The following ACOT7 variants were observed in gnomAD, a reference collection of about 807,000 sequenced individuals.
ACOT7 encodes cytosolic acyl coenzyme A thioester hydrolase.
ACOT7 carries 12 observed loss-of-function variants against 40.2 expected under a neutral mutation model. The observed-to-expected ratio is 0.30, with a 90% CI of 0.19 to 0.48. The LOEUF (loss-of-function observed/expected upper bound fraction) is 0.48, where lower values mean the gene tolerates loss of function less well. ACOT7 is among the 20% of genes least tolerant of loss of function. The pLI, the probability that ACOT7 is intolerant of heterozygous loss-of-function variation, is 0.99. For synonymous variants in ACOT7, 228 were observed against 219.5 expected (o/e 1.04, Z -0.34); for missense variants, 395 against 530.8 (o/e 0.74, Z 2.51).
intron 1 of ACOT7, among the ~76,000 whole-genome samples, chr1:6,350,170 C>G (rs1437587754): frequency 6.6e-6 from 1 of 152,198 alleles, no homozygotes; most frequent in African/African-American, 2.4e-5. Context: ...TGGTGAAGAC[C>G]TTTAAGCAAA....
At chr1:6,276,271 GGC>G (rs1639186075) in intron 8 of ACOT7, among the ~76,000 whole-genome samples, 1 of 152,156 alleles carries the variant, frequency 6.6e-6, no homozygotes, top group Admixed American at 6.5e-5. Context: ...CCCTCCTGCA[GGC>G]TGAAAAGCCT....
chr1:6,364,716 C>T (rs370438167), intron 1 of ACOT7, among the ~76,000 whole-genome samples: 9 of 140,882 alleles, frequency 6.4e-5, no homozygotes, highest in East Asian at 4.4e-4. Flanking sequence ...GGCGTGGTTG[C>T]GCTCACCTGT....
At chr1:6,314,915 A>C (rs558745610) in intron 6 of ACOT7, among the ~76,000 whole-genome samples, 27 of 150,332 alleles carry the variant, frequency 1.8e-4, no homozygotes, top group Non-Finnish European at 1.0e-4. Context: ...TCAACCCACA[A>C]CTGCACACAC....
At chr1:6,324,048 C>T (rs537152098) in intron 5 of ACOT7, among the ~76,000 whole-genome samples, 5 of 152,140 alleles carry the variant, frequency 3.3e-5, no homozygotes, top group African/African-American at 1.2e-4. Flanking sequence ...CACATACGCA[C>T]ACTCTTCTCC....
intron 3 of ACOT7, among the ~76,000 whole-genome samples, chr1:6,336,358 A>AAAAAAAAAACC: frequency 6.7e-6 from 1 of 150,310 alleles, no homozygotes; most frequent in Non-Finnish European, 1.5e-5. Context: ...AAAAAAAAAA[A>AAAAAAAAAACC]TCTCTTAAAA....
chr1:6,309,291 T>A (rs1640265015), intron 6 of ACOT7, among the ~76,000 whole-genome samples: 1 of 152,152 alleles, frequency 6.6e-6, no homozygotes, highest in Non-Finnish European at 1.5e-5. Flanking sequence ...GCCCAAACTT[T>A]ACAGGTTCTG....
chr1:6,333,724 C>A (rs1641025113), intron 3 of ACOT7, among the ~76,000 whole-genome samples, 156 bp from the exon 4 acceptor site: 2 of 151,690 alleles, frequency 1.3e-5, no homozygotes, highest in South Asian at 2.1e-4. Context: ...CCCAAGCCCC[C>A]AAGCCCCCAA....
chr1:6,333,655 C>A (rs544824666), intron 3 of ACOT7, 87 bp from the exon 4 acceptor site: 9 of 1,321,710 alleles, frequency 6.8e-6, no homozygotes, highest in Middle Eastern at 3.6e-4. Flanking sequence ...GCTGCTCCAG[C>A]GCCCGGTCCC....
intron 1 of ACOT7, chr1:6,360,799 G>A: frequency 6.8e-7 from 1 of 1,471,284 alleles, no homozygotes; most frequent in Non-Finnish European, 9.0e-7. Flanking sequence ...AACCCTTCCA[G>A]CTGGTCCCAG....
At chr1:6,304,007 C>A (rs939129814) in intron 6 of ACOT7, among the ~76,000 whole-genome samples, 23 of 152,144 alleles carry the variant, frequency 1.5e-4, no homozygotes, top group African/African-American at 5.6e-4. Flanking sequence ...GATTTTGCAT[C>A]CCAACTGCCA....
At chr1:6,303,168 C>T (rs1279808545) in intron 6 of ACOT7, among the ~76,000 whole-genome samples, 1 of 152,182 alleles carries the variant, frequency 6.6e-6, no homozygotes, top group Non-Finnish European at 1.5e-5. Flanking sequence ...ATTTCCCCCA[C>T]CGCAGGCACA....
chr1:6,377,637 G>A (rs1287033724), intron 1 of ACOT7, among the ~76,000 whole-genome samples: 1 of 152,188 alleles, frequency 6.6e-6, no homozygotes, highest in Non-Finnish European at 1.5e-5. Context: ...CAATCATGCA[G>A]GATGTAGTTT....
chr1:6,289,064 C>T lies in ACOT7; in HGVS notation c.829+5800G>A, dbSNP rs571975989. On this transcript the variant is annotated intron_variant, in intron 7 of 8. Coordinates refer to ENST00000361521, the MANE Select transcript of ACOT7 (RefSeq NM_007274.4). The surrounding 1 kb of genome is among the most constrained non-coding windows in gnomAD (Gnocchi z 4.6). ...TGGAGAAGCCACCCCACAGGTCTGG[C>T]GTCTCCATTCCGCATTCCCACTGTT... 1.6e-4 allele frequency among the ~76,000 whole-genome samples: 24 copies of T among 152,284 alleles called. No individual in the cohort carries two copies. Among genetic ancestry groups the T allele is most frequent in the African/African-American group, 5.1e-4 (21 of 41,560 alleles).
At chr1:6,361,364 A>G (rs1641889928) in intron 1 of ACOT7, among the ~76,000 whole-genome samples, 1 of 152,182 alleles carries the variant, frequency 6.6e-6, no homozygotes, top group African/African-American at 2.4e-5. Context: ...CGTGCAGGTT[A>G]ATTCCGGGGG....
intron 1 of ACOT7, among the ~76,000 whole-genome samples, chr1:6,382,265 G>A (rs142493192): frequency 0.018 from 2,694 of 151,812 alleles, 47 homozygotes; most frequent in Middle Eastern, 0.038. Flanking sequence ...TTAGCTGGGC[G>A]TGGTGGCGGG....
At chr1:6,280,710 C>T (rs1217150725) in intron 8 of ACOT7, among the ~76,000 whole-genome samples, 7 of 152,186 alleles carry the variant, frequency 4.6e-5, no homozygotes, top group African/African-American at 1.7e-4. Context: ...AGGGCACGGT[C>T]CTCATCCCCC....
chr1:6,349,079 A>G (rs945741177), intron 2 of ACOT7, among the ~76,000 whole-genome samples: 1 of 152,024 alleles, frequency 6.6e-6, no homozygotes, highest in Admixed American at 6.6e-5. Context: ...CTTCCCCCCA[A>G]CAGCCGCCCT....
At chr1:6,291,283 T>A (rs1190138170) in intron 7 of ACOT7, among the ~76,000 whole-genome samples, 1 of 151,388 alleles carries the variant, frequency 6.6e-6, no homozygotes, top group Non-Finnish European at 1.5e-5. Context: ...ATGACAAGTG[T>A]CCTTATAAGA....
rs1639763751 is a variant in ACOT7 at position 6,294,694 on chromosome 1, T to A, written c.829+170A>T. ...GATTTTACCAGATTGAAACATCAAG[T>A]CAATAAACAGCAAGGACAAAGAAAG... On this transcript the variant is annotated intron_variant, in intron 7 of 8. Transcript: ENST00000361521. The surrounding 1 kb of genome is among the most constrained non-coding windows in gnomAD (Gnocchi z 4.6). 6.6e-6 allele frequency among the ~76,000 whole-genome samples: 1 copy of A among 152,004 alleles called. No individual in the cohort carries two copies. Among genetic ancestry groups the A allele is most frequent in the African/African-American group, 2.4e-5 (1 of 41,352 alleles).
Sources: allele counts gnomAD v4.1 joint callset (sites outside exome capture counted in the v4.1 genomes callset), GRCh38; gene constraint gnomAD v4.1.1; non-coding constraint Gnocchi (gnomAD v3.1); transcripts MANE v1.5; gene names NCBI Gene and HGNC (gene_info 2026-07-23, HGNC 2026-07-21).